USP25: variants seen among roughly 807,000 people sequenced by gnomAD.
USP25 encodes the protein ubiquitin carboxyl-terminal hydrolase 25.
USP25 carries 85 observed loss-of-function variants against 158.5 expected under a neutral mutation model. The observed-to-expected ratio is 0.54, with a 90% CI of 0.45 to 0.64. The LOEUF (loss-of-function observed/expected upper bound fraction) is 0.64. Ranked by LOEUF, USP25 falls within the 30% of genes least tolerant of loss-of-function variation. The pLI is 0.00. For missense variants in USP25, 1,242 were observed against 1,327.3 expected (o/e 0.94, Z 1.00); for synonymous variants, 464 against 460.4 (o/e 1.01, Z -0.10).
chr21:15,826,861 C>CT lies in USP25; in HGVS notation c.1467-113dup. 2 of 926,730 alleles carry CT rather than the reference C, an allele frequency of 2.2e-6. No homozygotes were observed. The highest frequency in any genetic ancestry group is 2.6e-5 in the East Asian group (1 of 38,930). The allele number at this position is 926,730 out of a possible 1,614,324, so 57.4% of individuals were successfully genotyped here. Reference sequence around the variant, plus strand: ...GGATGTTAGATCAATCCACATATTTCTTTAAGATTTTTTCTTTTGAATTAC... The same window carrying CT: ...GGATGTTAGATCAATCCACATATTTCTTTTAAGATTTTTTCTTTTGAATTAC... On this transcript the variant is annotated intron_variant, in intron 13 of 25. Coordinates refer to ENST00000400183, the MANE Select transcript of USP25 (RefSeq NM_001283041.3). This position sits in a 1 kb window ranked among gnomAD's most constrained non-coding sequence, Gnocchi z 4.8.
At chr21:15,788,722 A>G (rs2035430332) in intron 4 of USP25, among the ~76,000 whole-genome samples, 1 of 151,938 alleles carries the variant, frequency 6.6e-6, no homozygotes, top group Admixed American at 6.6e-5. Context: ...TTTTTGCACC[A>G]CAATTCTACC....
intron 17 of USP25, among the ~76,000 whole-genome samples, chr21:15,835,113 C>T (rs2037999769): frequency 1.3e-5 from 2 of 152,178 alleles, no homozygotes; most frequent in African/African-American, 2.4e-5. Flanking sequence ...TTATTCCATT[C>T]ACATGTGACT....
chr21:15,754,202 T>G (rs999292796), intron 1 of USP25, among the ~76,000 whole-genome samples: 1 of 152,206 alleles, frequency 6.6e-6, no homozygotes, highest in African/African-American at 2.4e-5. Flanking sequence ...CCTGCAGTCT[T>G]ATTTGGAGGT....
chr21:15,782,634 C>T (rs189270132), intron 4 of USP25, among the ~76,000 whole-genome samples: 164 of 152,298 alleles, frequency 1.1e-3, no homozygotes, highest in Non-Finnish European at 2.0e-3. Context: ...TCACGGACAT[C>T]GCAGGTGAGG....
At chr21:15,858,323 C>T (rs2039258513) in intron 20 of USP25, among the ~76,000 whole-genome samples, 1 of 151,744 alleles carries the variant, frequency 6.6e-6, no homozygotes, top group African/African-American at 2.4e-5. Flanking sequence ...ACATGATACG[C>T]CTTTTCACTT....
chr21:15,731,998 G>C (rs558511583), intron 1 of USP25, among the ~76,000 whole-genome samples: 13 of 152,298 alleles, frequency 8.5e-5, no homozygotes, highest in African/African-American at 3.1e-4. Flanking sequence ...AACTTTGTAA[G>C]TTTAGGATTT....
At chr21:15,852,489 TA>T (rs2038934641) in intron 20 of USP25, among the ~76,000 whole-genome samples, 1 of 152,176 alleles carries the variant, frequency 6.6e-6, no homozygotes, top group African/African-American at 2.4e-5. Context: ...GTTACGCTTT[TA>T]AAGTAGTATC....
intron 9 of USP25, 66 bp from the exon 10 acceptor site, chr21:15,818,632 A>T: frequency 7.1e-7 from 1 of 1,401,024 alleles, no homozygotes; most frequent in Non-Finnish European, 9.8e-7. Flanking sequence ...GAGAATCCTT[A>T]CGTACTCTTA....
intron 20 of USP25, among the ~76,000 whole-genome samples, chr21:15,851,023 A>G (rs1642701201): frequency 6.6e-6 from 1 of 151,812 alleles, no homozygotes. Context: ...GTTTTAATAC[A>G]TTTCTTTATA....
chr21:15,831,625 A>G lies in USP25; in HGVS notation c.1989A>G (p.Ile663Met). The G allele has an allele frequency of 1.2e-6, 2 of 1,612,192 alleles. No homozygotes were observed. Among genetic ancestry groups the G allele is most frequent in the East Asian group, 2.2e-5 (1 of 44,836 alleles). ...TAAATGATAAGGCACAGTTCCTAAT[A>G]CAAGGTAAGAATATATAGGGTGGTG... ...MYINDKAQFL[I>M]QEEFNKETGQ... is the part of the protein sequence containing the mutation. Residue 663 changes from isoleucine (I) to methionine (M), a missense_variant, in exon 16 of 26, where the codon ATA becomes ATG. Ile to Met is a conservative substitution (Grantham distance 10). Coordinates refer to ENST00000400183, the MANE Select transcript of USP25 (RefSeq NM_001283041.3).
At chr21:15,822,612 A>G (rs998148196) in intron 10 of USP25, among the ~76,000 whole-genome samples, 1 of 151,992 alleles carries the variant, frequency 6.6e-6, no homozygotes, top group African/African-American at 2.4e-5. Flanking sequence ...TTGTTTGAGT[A>G]TCATAAAATG....
At position 15,842,522 on chromosome 21, in the gene USP25, T is replaced by C. The variant is rs1219443461; in HGVS notation, c.2319T>C (p.Pro773=). ...KASHEHEDKS[P]ETVLQSKPEN... ...CACATGAGCATGAAGATAAAAGTCC[T>C]GAAACAGTTTTGCAGTCGGTAAGAA... is the stretch of plus-strand genomic sequence containing the variant. Residue 773 remains proline, a synonymous_variant, in exon 18 of 26, where the codon CCT becomes CCC. Coordinates refer to ENST00000400183, the MANE Select transcript of USP25 (RefSeq NM_001283041.3). The C allele has an allele frequency of 6.2e-7, 1 of 1,613,502 alleles. No homozygotes were observed. Among genetic ancestry groups the C allele is most frequent in the Admixed American group, 1.7e-5 (1 of 59,942 alleles).
chr21:15,818,092 A>G (rs1184499343), intron 9 of USP25, among the ~76,000 whole-genome samples: 1 of 152,124 alleles, frequency 6.6e-6, no homozygotes, highest in Admixed American at 6.6e-5. Context: ...TCCATGGCCA[A>G]GAATACTCTA....
intron 4 of USP25, among the ~76,000 whole-genome samples, chr21:15,790,133 C>T (rs909929517): frequency 6.6e-6 from 1 of 151,902 alleles, no homozygotes; most frequent in African/African-American, 2.4e-5. Flanking sequence ...TTTGGTTTTC[C>T]TCTGCCCCAG....
intron 4 of USP25, among the ~76,000 whole-genome samples, chr21:15,778,868 C>T (rs2034803687): frequency 6.6e-6 from 1 of 152,058 alleles, no homozygotes; most frequent in Non-Finnish European, 1.5e-5. Flanking sequence ...TTTCCAAAGG[C>T]ACACAGCTCA....
intron 1 of USP25, among the ~76,000 whole-genome samples, chr21:15,748,769 G>C (rs2032766131): frequency 6.6e-6 from 1 of 152,126 alleles, no homozygotes; most frequent in South Asian, 2.1e-4. Context: ...AAAAAGGTTA[G>C]CTTAATTTGA....
At chr21:15,775,830 CCTAA>C (rs1326350494) in intron 3 of USP25, among the ~76,000 whole-genome samples, 1 of 145,422 alleles carries the variant, frequency 6.9e-6, no homozygotes, top group Non-Finnish European at 1.5e-5. Flanking sequence ...CATCCAAAAC[CCTAA>C]CTGCCAGTGA....
chr21:15,800,630 G>T (rs115854453), intron 6 of USP25, among the ~76,000 whole-genome samples: 4,134 of 151,376 alleles, frequency 0.027, 194 homozygotes, highest in African/African-American at 0.092. Flanking sequence ...ATATAGTTGC[G>T]TGTAGGGCTT....
chr21:15,845,403 T>TA (rs1394672696), intron 18 of USP25, among the ~76,000 whole-genome samples: 1 of 152,162 alleles, frequency 6.6e-6, no homozygotes, highest in Non-Finnish European at 1.5e-5. Context: ...AGTGAGCCCT[T>TA]AAATTCTTTA....
Sources: allele counts gnomAD v4.1 joint callset (sites outside exome capture counted in the v4.1 genomes callset), GRCh38; gene constraint gnomAD v4.1.1; non-coding constraint Gnocchi (gnomAD v3.1); transcripts MANE v1.5; gene names NCBI Gene and HGNC (gene_info 2026-07-23, HGNC 2026-07-21).